The following NMBR variants were observed in gnomAD, a reference collection of about 807,000 sequenced individuals.
NMBR encodes neuromedin B receptor.
A neutral mutation model predicts 20.5 loss-of-function variants in NMBR; 16 were observed. That is an observed-to-expected ratio of 0.78 (90% CI 0.53 to 1.19). The LOEUF is 1.19. NMBR is among the 50% of genes most tolerant of loss of function. The probability of loss-of-function intolerance (pLI) is 0.00; values close to 1 mark genes in which losing one functional copy is unlikely to be tolerated. For synonymous variants in NMBR, 212 were observed against 196.6 expected (o/e 1.08, Z -0.65); for missense variants, 582 against 499.1 (o/e 1.17, Z -1.58).
At chr6:142,131,351 T>A (rs555028384) in intron 1 of NMBR, among the ~76,000 whole-genome samples, 1 of 152,276 alleles carries the variant, frequency 6.6e-6, no homozygotes, top group East Asian at 1.9e-4. Flanking sequence ...ACTTCACAGA[T>A]CCATCAAGAG....
chr6:142,125,440 T>TGCATATACACATATACATGC (rs1562245255), intron 1 of NMBR, among the ~76,000 whole-genome samples: 19 of 151,658 alleles, frequency 1.3e-4, no homozygotes, highest in African/African-American at 3.9e-4. Flanking sequence ...CATATACATG[T>TGCATATACACATATACATGC]GCATGCATAT....
chr6:142,130,539 A>C (rs1465377470), intron 1 of NMBR, among the ~76,000 whole-genome samples: 1 of 152,146 alleles, frequency 6.6e-6, no homozygotes, highest in African/African-American at 2.4e-5. Flanking sequence ...GTGTAGAGAG[A>C]GATATTTCTT....
intron 1 of NMBR, among the ~76,000 whole-genome samples, chr6:142,126,912 T>C (rs1778050493): frequency 6.6e-6 from 1 of 151,516 alleles, no homozygotes; most frequent in South Asian, 2.1e-4. Flanking sequence ...TTTATTTAGT[T>C]TTGGTTTTGA....
At chr6:142,076,657 T>C (rs909824288) in intron 3 of NMBR, among the ~76,000 whole-genome samples, 1 of 152,224 alleles carries the variant, frequency 6.6e-6, no homozygotes, top group Non-Finnish European at 1.5e-5. Flanking sequence ...TTACATATTA[T>C]GTTTACTGTT....
chr6:142,123,566 T>C (rs1777982174), intron 1 of NMBR, among the ~76,000 whole-genome samples: 1 of 151,946 alleles, frequency 6.6e-6, no homozygotes, highest in South Asian at 2.1e-4. Flanking sequence ...TCAGTTGATG[T>C]GGCTGACTTC....
intron 1 of NMBR, among the ~76,000 whole-genome samples, chr6:142,092,935 G>C (rs1198764543): frequency 1.3e-5 from 2 of 152,114 alleles, no homozygotes; most frequent in Non-Finnish European, 2.9e-5. Flanking sequence ...GTGATTTAAA[G>C]AAGCTAAGTT....
intron 1 of NMBR, among the ~76,000 whole-genome samples, chr6:142,097,737 T>C (rs2114577423): frequency 6.6e-6 from 1 of 152,106 alleles, no homozygotes; most frequent in South Asian, 2.1e-4. Flanking sequence ...AATCAGTTAA[T>C]TGAAACTAAA....
rs367683477 is a variant in NMBR, at chr6:142,088,298, C to A, written c.361G>T (p.Val121Phe). The part of the protein sequence containing the change: ...FGKVGCKLIP[V>F]IQLTSVGVSV... ...ACCCCCACGGAAGTGAGCTGGATGA[C>A]AGGGATCAGTTTGCAGCCCACCTTG... is the stretch of plus-strand genomic sequence containing the variant. Residue 121 changes from valine (V) to phenylalanine (F), a missense_variant, in exon 2 of 4, where the codon GTC becomes TTC. Coordinates refer to ENST00000258042, the MANE Select transcript of NMBR (RefSeq NM_002511.4). 97 of 1,614,050 alleles carry A rather than the reference C, an allele frequency of 6.0e-5. 2 individuals carry two copies. The South Asian group carries it at 9.1e-4, about 15-fold the overall frequency.
At chr6:142,089,392 A>G (rs913744680) in intron 1 of NMBR, among the ~76,000 whole-genome samples, 71 bp from the exon 2 acceptor site, 4 of 151,986 alleles carry the variant, frequency 2.6e-5, no homozygotes, top group Admixed American at 6.6e-5. Context: ...TCCTCTCGCT[A>G]CTCTTCTTCT....
chr6:142,102,361 G>C (rs1777580725), intron 1 of NMBR, among the ~76,000 whole-genome samples: 1 of 146,276 alleles, frequency 6.8e-6, no homozygotes, highest in Non-Finnish European at 1.5e-5. Context: ...CTGCACTCCA[G>C]CCTGGGTGAC....
At chr6:142,125,118 G>C (rs969691600) in intron 1 of NMBR, among the ~76,000 whole-genome samples, 2 of 151,910 alleles carry the variant, frequency 1.3e-5, no homozygotes, top group Non-Finnish European at 2.9e-5. Context: ...AATCTAGGCA[G>C]CTATTCAGAT....
At chr6:142,134,128 C>T (rs905357345) in intron 1 of NMBR, 3 of 510,678 alleles carry the variant, frequency 5.9e-6, no homozygotes, top group African/African-American at 1.9e-5. Flanking sequence ...AATACCCTAA[C>T]AGGTTTTTTG....
intron 1 of NMBR, among the ~76,000 whole-genome samples, chr6:142,119,827 T>A (rs1350596819): frequency 2.0e-5 from 3 of 151,670 alleles, no homozygotes; most frequent in African/African-American, 7.3e-5. Context: ...ACCCACAGAG[T>A]CTGGCTTATT....
rs777562672 is a variant in NMBR at position 142,078,690 on chromosome 6, A to G, written c.636T>C (p.His212=). The part of the protein sequence containing the change: ...PQTDELHPKI[H]SVLIFLVYFL... ...AATAGACCAAGAAAATGAGCACTGAATGAATCTTTGGATGTAATTCATCTG... is the reference window on the plus strand; with the variant it reads ...AATAGACCAAGAAAATGAGCACTGAGTGAATCTTTGGATGTAATTCATCTG... The change falls in exon 3 of 4, where the codon CAT becomes CAC. Residue 212 remains histidine (H), a synonymous_variant. Coordinates refer to ENST00000258042, the MANE Select transcript of NMBR (RefSeq NM_002511.4). 3.1e-6 allele frequency: 5 copies of G among 1,614,086 alleles called. No individual in the cohort carries two copies. The highest frequency in any genetic ancestry group is 3.4e-6 in the Non-Finnish European group (4 of 1,179,942).
intron 1 of NMBR, among the ~76,000 whole-genome samples, chr6:142,097,183 A>T (rs1777470836): frequency 1.3e-5 from 2 of 151,996 alleles, no homozygotes; most frequent in Non-Finnish European, 2.9e-5. Flanking sequence ...TTTAAAGTTA[A>T]TATTGTTATG....
intron 1 of NMBR, among the ~76,000 whole-genome samples, chr6:142,090,839 T>C (rs918099737): frequency 5.9e-5 from 9 of 151,840 alleles, no homozygotes; most frequent in African/African-American, 2.2e-4. Flanking sequence ...TAAAAATATA[T>C]TGAAATCGAA....
intron 1 of NMBR, among the ~76,000 whole-genome samples, chr6:142,134,362 T>C (rs918195973): frequency 2.6e-5 from 4 of 152,220 alleles, no homozygotes; most frequent in Non-Finnish European, 5.9e-5. Context: ...GTTTTCACAA[T>C]AAATATGTTC....
chr6:142,085,595 G>T (rs1777185152), intron 2 of NMBR, among the ~76,000 whole-genome samples: 2 of 152,170 alleles, frequency 1.3e-5, no homozygotes, highest in African/African-American at 2.4e-5. Context: ...ATCAGACAAG[G>T]TGTTTTAGGC....
intron 1 of NMBR, among the ~76,000 whole-genome samples, chr6:142,096,432 G>GGTTGTTCAGTTTCCATGTA (rs1176022588): frequency 2.6e-5 from 4 of 152,302 alleles, no homozygotes; most frequent in African/African-American, 7.2e-5. Context: ...TTCAGGAGTA[G>GGTTGTTCAGTTTCCATGTA]GTTGTTCAGT....
Sources: gnomAD v4.1 joint callset for allele counts (sites outside exome capture counted in the v4.1 genomes callset) on GRCh38, gnomAD v4.1.1 for gene constraint, MANE v1.5 for transcripts, NCBI Gene and HGNC (gene_info 2026-07-23, HGNC 2026-07-21) for gene names.